The following IL2RA variants were observed in gnomAD, a reference collection of about 807,000 sequenced individuals.
The protein encoded by IL2RA is interleukin-2 receptor subunit alpha.
In IL2RA, 24 loss-of-function variants were observed where a neutral mutation model predicts 37.8. The observed-to-expected ratio is 0.63, with a 90% CI of 0.46 to 0.89. The LOEUF is 0.89. Among genes scored for constraint, IL2RA ranks in the 40% least tolerant of loss-of-function variants. IL2RA has a pLI of 0.00. For synonymous variants in IL2RA, 125 were observed against 114.6 expected (o/e 1.09, Z -0.58); for missense variants, 319 against 348.6 (o/e 0.92, Z 0.68).
rs2132887515 is a variant in IL2RA at position 6,046,183 on chromosome 10, A to G, written c.64+15905T>C. Among the ~76,000 whole-genome samples, 2 of 152,276 alleles carry G rather than the reference A, an allele frequency of 1.3e-5. No individual in the cohort carries two copies. The highest frequency in any genetic ancestry group is 3.9e-4 in the East Asian group (2 of 5,182). ...ACACTCCGTTTTACACAAGACACAC[A>G]TTGCATACACTGTGTGTTGTTGACA... On this transcript the variant is annotated intron_variant, in intron 1 of 7. Coordinates refer to ENST00000379959, the MANE Select transcript of IL2RA (RefSeq NM_000417.3). This position sits in a 1 kb window ranked among gnomAD's most constrained non-coding sequence, Gnocchi z 4.8.
intron 1 of IL2RA, 61 bp downstream of exon 1, chr10:6,062,027 G>T: frequency 1.5e-6 from 2 of 1,352,758 alleles, no homozygotes; most frequent in Non-Finnish European, 2.1e-6. Context: ...TGGTTCTGTG[G>T]CTGGGAAGAG....
rs1840080280 is a variant in IL2RA at position 6,058,447 on chromosome 10, A to G, written c.64+3641T>C. Among the ~76,000 whole-genome samples the G allele has an allele frequency of 6.6e-6, 1 of 152,216 alleles. No individual in the cohort carries two copies. The highest frequency in any genetic ancestry group is 1.5e-5 in the Non-Finnish European group (1 of 68,040). ...GCAACTGTCTTATGAAGAGCTCCCA[A>G]TGTTTAGGAAAGCCCTTACAGCCTC... is the stretch of plus-strand genomic sequence containing the variant. On this transcript the variant is annotated intron_variant, in intron 1 of 7. Coordinates refer to ENST00000379959, the MANE Select transcript of IL2RA (RefSeq NM_000417.3). The surrounding 1 kb of genome is among the most constrained non-coding windows in gnomAD (Gnocchi z 4.2).
Position 6,018,070 on chromosome 10 carries a change from G to T in IL2RA, c.777C>A (p.Leu259=), listed in dbSNP as rs554680869. 84 of 1,613,934 alleles carry T rather than the reference G, an allele frequency of 5.2e-5. No homozygotes were observed. The Admixed American group carries it at 6.3e-4, about 12-fold the overall frequency. ...ACACTTACTGTCTCCGCTGCCAGGT[G>T]AGCCCACTCAGGAGGAGGACGCTGA... ...LLISVLLLSG[L]TWQRRQRKSR... Residue 259 remains leucine, a synonymous_variant, in exon 7 of 8, where the codon CTC becomes CTA. Transcript: ENST00000379959. The surrounding 1 kb of genome is among the most constrained non-coding windows in gnomAD (Gnocchi z 5.1).
At chr10:6,019,391 G>A (rs1368737608) in intron 6 of IL2RA, 37 bp downstream of exon 6, 2 of 1,461,054 alleles carry the variant, frequency 1.4e-6, no homozygotes, top group African/African-American at 1.4e-5. Flanking sequence ...TCTCAGCCTG[G>A]TGTACATTTT....
rs1378847646 is a variant in IL2RA, at chr10:6,046,823, T to C, written c.64+15265A>G. On this transcript the variant is annotated intron_variant, in intron 1 of 7. Coordinates refer to ENST00000379959, the MANE Select transcript of IL2RA (RefSeq NM_000417.3). The surrounding 1 kb of genome is among the most constrained non-coding windows in gnomAD (Gnocchi z 4.8). ...TTTTCAACAGATACCTCAGGGTTAGTGGGGGTGAGCTCAGATGCTCCTGCA... is the reference window on the plus strand; with the variant it reads ...TTTTCAACAGATACCTCAGGGTTAGCGGGGGTGAGCTCAGATGCTCCTGCA... Among the ~76,000 whole-genome samples the C allele has an allele frequency of 6.6e-6, 1 of 152,154 alleles. No homozygotes were observed. The highest frequency in any genetic ancestry group is 1.5e-5 in the Non-Finnish European group (1 of 68,020).
rs568217831 is a variant in IL2RA, at chr10:6,014,075, T to C, written c.795-1179A>G. 6.6e-6 allele frequency among the ~76,000 whole-genome samples: 1 copy of C among 152,118 alleles called. No homozygotes were observed. The highest frequency in any genetic ancestry group is 2.4e-5 in the African/African-American group (1 of 41,430). On this transcript the variant is annotated intron_variant, in intron 7 of 7. Coordinates refer to ENST00000379959, the MANE Select transcript of IL2RA (RefSeq NM_000417.3). This position sits in a 1 kb window ranked among gnomAD's most constrained non-coding sequence, Gnocchi z 4.4. ...CTCAAGCGAGCCTCTCACCTTAGTC[T>C]CCCGAAGTGCAGGAATTACAGGCAG... is the stretch of plus-strand genomic sequence containing the variant.
intron 5 of IL2RA, 64 bp downstream of exon 5, chr10:6,019,806 C>T: frequency 1.4e-6 from 2 of 1,461,562 alleles, no homozygotes; most frequent in African/African-American, 1.4e-5. Context: ...CTGAGCCTGG[C>T]TCCTGGTCAC....
Position 6,028,059 on chromosome 10 carries a change from C to T in IL2RA, c.65-2034G>A, listed in dbSNP as rs1564544715. ...TTCAGGTGCTGAACAACAGGCAGCTCAGGGCTACATGATTTTGGAGGAGGG... is the reference window on the plus strand; with the variant it reads ...TTCAGGTGCTGAACAACAGGCAGCTTAGGGCTACATGATTTTGGAGGAGGG... On this transcript the variant is annotated intron_variant, in intron 1 of 7. Coordinates refer to ENST00000379959, the MANE Select transcript of IL2RA (RefSeq NM_000417.3). The surrounding 1 kb of genome is among the most constrained non-coding windows in gnomAD (Gnocchi z 4.1). 6.6e-6 allele frequency among the ~76,000 whole-genome samples: 1 copy of T among 152,166 alleles called. No homozygotes were observed. Among genetic ancestry groups the T allele is most frequent in the Non-Finnish European group, 1.5e-5 (1 of 68,036 alleles).
At chr10:6,061,093 T>TA (rs941372658) in intron 1 of IL2RA, among the ~76,000 whole-genome samples, 6 of 151,382 alleles carry the variant, frequency 4.0e-5, no homozygotes, top group Non-Finnish European at 7.4e-5. Context: ...TTTATTTCTT[T>TA]AAAAAAAAAT....
chr10:6,031,224 A>G (rs2132866821), intron 1 of IL2RA, among the ~76,000 whole-genome samples: 1 of 151,762 alleles, frequency 6.6e-6, no homozygotes, highest in Non-Finnish European at 1.5e-5. Context: ...CTTCAAGAGA[A>G]CACACTTTAA....
intron 1 of IL2RA, among the ~76,000 whole-genome samples, chr10:6,040,219 A>G (rs981456923): frequency 1.3e-5 from 2 of 152,238 alleles, no homozygotes; most frequent in African/African-American, 4.8e-5. Context: ...TAAAATATAT[A>G]GTTACTTTCT....
In IL2RA at chr10:6,021,605, G is replaced by A. The variant is rs377104035; in HGVS notation, c.456C>T (p.Cys152=). The A allele has an allele frequency of 1.4e-5, 22 of 1,613,684 alleles. No individual in the cohort carries two copies. Among genetic ancestry groups the A allele is most frequent in the South Asian group, 2.2e-5 (2 of 91,056 alleles). ...FVVGQMVYYQ[C]VQGYRALHRG... ...TGTGTAGAGCCCTGTATCCCTGGAC[G>A]CACTGATAATAAACCATCTGCCCCA... Residue 152 remains cysteine (C), a synonymous_variant, in exon 4 of 8, where the codon TGC becomes TGT. Coordinates refer to ENST00000379959, the MANE Select transcript of IL2RA (RefSeq NM_000417.3). This position sits in a 1 kb window ranked among gnomAD's most constrained non-coding sequence, Gnocchi z 4.9.
At chr10:6,031,479 T>C (rs911026859) in intron 1 of IL2RA, among the ~76,000 whole-genome samples, 3,905 of 32,428 alleles carry the variant, frequency 0.12, 157 homozygotes, top group Non-Finnish European at 0.16. Flanking sequence ...TATATATATA[T>C]ATATATATAT....
Position 6,018,859 on chromosome 10 carries a change from C to A in IL2RA, c.727+569G>T, listed in dbSNP as rs1473227706. The stretch of plus-strand genomic sequence containing the variant: ...ACCAACCAACCTACCAATCAACTAA[C>A]CAACTAACAAACCTACTAACCTACC... On this transcript the variant is annotated intron_variant, in intron 6 of 7. Transcript: ENST00000379959. This position sits in a 1 kb window ranked among gnomAD's most constrained non-coding sequence, Gnocchi z 5.1. Among the ~76,000 whole-genome samples, 1 of 152,134 alleles carries A rather than the reference C, an allele frequency of 6.6e-6. No individual in the cohort carries two copies. The highest frequency in any genetic ancestry group is 1.5e-5 in the Non-Finnish European group (1 of 68,032).
intron 1 of IL2RA, among the ~76,000 whole-genome samples, chr10:6,031,596 T>A (rs538964027): frequency 6.7e-6 from 1 of 148,884 alleles, no homozygotes; most frequent in Non-Finnish European, 1.5e-5. Flanking sequence ...TAAAAACAAT[T>A]GTATTTACAA....
rs1411794221 is a variant in IL2RA at position 6,022,719 on chromosome 10, G to A, written c.368-1026C>T. On this transcript the variant is annotated intron_variant, in intron 3 of 7. Coordinates refer to ENST00000379959, the MANE Select transcript of IL2RA (RefSeq NM_000417.3). The surrounding 1 kb of genome is among the most constrained non-coding windows in gnomAD (Gnocchi z 4.7). ...TTGACAGCCAGTACAATTCGTAACT[G>A]TCTGAACATGTTTGAATTGGGTTTG... 6.6e-6 allele frequency among the ~76,000 whole-genome samples: 1 copy of A among 152,260 alleles called. No individual in the cohort carries two copies. Among genetic ancestry groups the A allele is most frequent in the African/African-American group, 2.4e-5 (1 of 41,470 alleles).
At chr10:6,042,057 G>T (rs527855215) in intron 1 of IL2RA, among the ~76,000 whole-genome samples, 1 of 143,404 alleles carries the variant, frequency 7.0e-6, no homozygotes, top group African/African-American at 2.6e-5. Context: ...ACATATGGTT[G>T]ATAAGGTGAA....
rs1272738672 is a variant in IL2RA, at chr10:6,014,707, A to G, written c.795-1811T>C. Among the ~76,000 whole-genome samples, 1 of 152,194 alleles carries G rather than the reference A, an allele frequency of 6.6e-6. No homozygotes were observed. The highest frequency in any genetic ancestry group is 2.4e-5 in the African/African-American group (1 of 41,442). The stretch of plus-strand genomic sequence containing the variant: ...CTTCCCCTCCTGGAAGCCTAAAATG[A>G]CACCTTAGGAGTCAGCTAACCCCTT... On this transcript the variant is annotated intron_variant, in intron 7 of 7. Coordinates refer to ENST00000379959, the MANE Select transcript of IL2RA (RefSeq NM_000417.3). The surrounding 1 kb of genome is among the most constrained non-coding windows in gnomAD (Gnocchi z 4.4).
Position 6,026,035 on chromosome 10 carries a change from A to C in IL2RA, c.65-10T>G. ...TCATCGTCACAGAGCTCTGCAAAGC[A>C]AAAGAAGCCTATTAGGAACTCAAGA... On this transcript the variant is annotated splice_polypyrimidine_tract_variant and intron_variant, in intron 1 of 7. Coordinates refer to ENST00000379959, the MANE Select transcript of IL2RA (RefSeq NM_000417.3). 6.2e-7 allele frequency: 1 copy of C among 1,612,652 alleles called. No individual in the cohort carries two copies. The highest frequency in any genetic ancestry group is 8.5e-7 in the Non-Finnish European group (1 of 1,179,996).
Sources: allele counts gnomAD v4.1 joint callset (sites outside exome capture counted in the v4.1 genomes callset), GRCh38; gene constraint gnomAD v4.1.1; non-coding constraint Gnocchi (gnomAD v3.1); transcripts MANE v1.5; gene names NCBI Gene and HGNC (gene_info 2026-07-23, HGNC 2026-07-21).